Variants in PDSS2 observed in about 807,000 individuals in gnomAD.
PDSS2 encodes decaprenyl diphosphate synthase subunit 2.
In PDSS2, 31 loss-of-function variants were observed where a neutral mutation model predicts 44.5. The observed-to-expected ratio is 0.70, with a 90% CI of 0.52 to 0.94. PDSS2 has a LOEUF of 0.94. PDSS2 is among the 40% of genes least tolerant of loss of function. The pLI is 0.00. For missense variants in PDSS2, 452 were observed against 482.2 expected (o/e 0.94, Z 0.59); for synonymous variants, 157 against 180.3 (o/e 0.87, Z 1.03).
At chr6:107,256,863 GAAAT>G (rs899335934) in intron 3 of PDSS2, among the ~76,000 whole-genome samples, 1 of 150,828 alleles carries the variant, frequency 6.6e-6, no homozygotes, top group African/African-American at 2.4e-5. Flanking sequence ...TCCTGTCCCA[GAAAT>G]AAATAAATTA....
intron 1 of PDSS2, among the ~76,000 whole-genome samples, chr6:107,387,746 G>C (rs531484994): frequency 6.6e-6 from 1 of 152,340 alleles, no homozygotes; most frequent in South Asian, 2.1e-4. Context: ...GGCTTCAACT[G>C]TGAGCCTGGT....
At chr6:107,336,474 A>G (rs1020790075) in intron 1 of PDSS2, among the ~76,000 whole-genome samples, 1 of 152,136 alleles carries the variant, frequency 6.6e-6, no homozygotes, top group African/African-American at 2.4e-5. Flanking sequence ...TTTTAAAAAG[A>G]AATTCTAATT....
chr6:107,396,323 C>CGTA (rs1779938449), intron 1 of PDSS2, among the ~76,000 whole-genome samples: 1 of 152,174 alleles, frequency 6.6e-6, no homozygotes, highest in Non-Finnish European at 1.5e-5. Context: ...TCAGCAATAC[C>CGTA]ACAGGCGCTG....
At chr6:107,310,902 T>C (rs560677534) in intron 2 of PDSS2, among the ~76,000 whole-genome samples, 3 of 151,690 alleles carry the variant, frequency 2.0e-5, no homozygotes, top group African/African-American at 7.3e-5. Flanking sequence ...AATTCAAGTA[T>C]ATTTAGCAAA....
chr6:107,381,179 GT>G (rs1296868460), intron 1 of PDSS2, among the ~76,000 whole-genome samples: 1 of 152,202 alleles, frequency 6.6e-6, no homozygotes, highest in Non-Finnish European at 1.5e-5. Flanking sequence ...ATAAATATTT[GT>G]GTTAGATGAA....
chr6:107,188,331 G>C (rs970877384), intron 7 of PDSS2, among the ~76,000 whole-genome samples: 1 of 151,658 alleles, frequency 6.6e-6, no homozygotes, highest in East Asian at 1.9e-4. Flanking sequence ...GTGAGCTAAG[G>C]TTGTGCCACT....
chr6:107,384,760 A>ACACACT (rs762973079), intron 1 of PDSS2, among the ~76,000 whole-genome samples: 7 of 152,204 alleles, frequency 4.6e-5, no homozygotes, highest in Admixed American at 6.5e-5. Context: ...ATTAACACAC[A>ACACACT]CACACTCACA....
intron 1 of PDSS2, among the ~76,000 whole-genome samples, chr6:107,358,040 G>A (rs369923863): frequency 8.6e-5 from 13 of 152,038 alleles, no homozygotes; most frequent in Admixed American, 3.3e-4. Context: ...AAAATGTTTC[G>A]CAATCCAAAA....
intron 1 of PDSS2, among the ~76,000 whole-genome samples, chr6:107,348,740 G>A (rs1778330824): frequency 6.6e-6 from 1 of 152,180 alleles, no homozygotes; most frequent in East Asian, 1.9e-4. Flanking sequence ...TCTAAATACT[G>A]CTAATGGATA....
intron 2 of PDSS2, among the ~76,000 whole-genome samples, chr6:107,319,388 C>T (rs1258012278): frequency 1.3e-5 from 2 of 152,148 alleles, no homozygotes; most frequent in Admixed American, 6.5e-5. Flanking sequence ...TACCTAAAAA[C>T]CAGCTTTTGC....
chr6:107,362,715 A>G (rs558444402), intron 1 of PDSS2, among the ~76,000 whole-genome samples: 1 of 152,366 alleles, frequency 6.6e-6, no homozygotes, highest in Admixed American at 6.5e-5. Flanking sequence ...TCTTTAAGAT[A>G]TTATAAGCAA....
Position 107,429,899 on chromosome 6 carries a change from AAAATATATAT to A in PDSS2, c.296+29081_296+29090del, listed in dbSNP as rs1248986382. On this transcript the variant is annotated intron_variant, in intron 1 of 7. Coordinates refer to ENST00000369037, the MANE Select transcript of PDSS2 (RefSeq NM_020381.4). ...AACTTAGTCTCAAAAAAAAAAAAAA[AAAATATATAT>A]ATATATATATATATATATATATATA... is the stretch of plus-strand genomic sequence containing the variant. Among the ~76,000 whole-genome samples, 59 of 41,418 alleles carry A rather than the reference AAAATATATAT, an allele frequency of 1.4e-3. 5 individuals carry two copies. The highest frequency in any genetic ancestry group is 3.8e-3 in the African/African-American group (50 of 13,298). The allele number at this position is 41,418 out of a possible 152,430, so 27.2% of individuals were successfully genotyped here. A position where few individuals can be genotyped will look rare whatever the true frequency, so the allele number is the denominator to read the frequency against.
In PDSS2 at chr6:107,170,981, G is replaced by A. The variant is rs930285747; in HGVS notation, c.1042-16204C>T. ...AACAATCAAATTAAAACCAACAAGCGTTTATTGGACACCTATATAACCTAG... is the reference window on the plus strand; with the variant it reads ...AACAATCAAATTAAAACCAACAAGCATTTATTGGACACCTATATAACCTAG... On this transcript the variant is annotated intron_variant, in intron 7 of 7. Transcript: ENST00000369037. 1.4e-4 allele frequency among the ~76,000 whole-genome samples: 22 copies of A among 152,090 alleles called. No individual in the cohort carries two copies. The East Asian group carries it at 2.1e-3, about 15-fold the overall frequency.
At chr6:107,257,183 A>G (rs2114860706) in intron 3 of PDSS2, among the ~76,000 whole-genome samples, 1 of 152,046 alleles carries the variant, frequency 6.6e-6, no homozygotes, top group East Asian at 1.9e-4. Flanking sequence ...CTGTCTCACA[A>G]ATAAAATAAA....
At chr6:107,392,997 A>T (rs939545341) in intron 1 of PDSS2, among the ~76,000 whole-genome samples, 1 of 152,044 alleles carries the variant, frequency 6.6e-6, no homozygotes, top group South Asian at 2.1e-4. Flanking sequence ...CTGATTTTTT[A>T]AAAAACAGTA....
intron 1 of PDSS2, among the ~76,000 whole-genome samples, chr6:107,389,996 A>C (rs1213511598): frequency 6.6e-6 from 1 of 152,096 alleles, no homozygotes; most frequent in Non-Finnish European, 1.5e-5. Context: ...AAGCTGGAAC[A>C]ATTTGAGCAA....
intron 2 of PDSS2, among the ~76,000 whole-genome samples, chr6:107,300,066 G>A (rs917352284): frequency 1.3e-5 from 2 of 151,950 alleles, no homozygotes; most frequent in Non-Finnish European, 2.9e-5. Context: ...ATGAAGTCTC[G>A]GCCCAAAACC....
rs575254175 is a variant in PDSS2, at chr6:107,258,693, C to G, written c.631-13074G>C. On this transcript the variant is annotated intron_variant, in intron 3 of 7. Transcript: ENST00000369037. ...TGGTGGGTGCCTATAATCCCAGCTA[C>G]TTGGGAGGCTGAGGCAGGAGAATCA... Among the ~76,000 whole-genome samples the G allele has an allele frequency of 1.6e-4, 25 of 152,144 alleles. 1 individual carries two copies. The South Asian group carries it at 2.7e-3, about 16-fold the overall frequency.
At chr6:107,183,161 A>G (rs1772043093) in intron 7 of PDSS2, among the ~76,000 whole-genome samples, 2 of 151,668 alleles carry the variant, frequency 1.3e-5, no homozygotes, top group Non-Finnish European at 2.9e-5. Flanking sequence ...GCAGTGAGCC[A>G]TAATCATGCC....
Sources: allele counts gnomAD v4.1 joint callset (sites outside exome capture counted in the v4.1 genomes callset), GRCh38; gene constraint gnomAD v4.1.1; transcripts MANE v1.5; gene names NCBI Gene and HGNC (gene_info 2026-07-23, HGNC 2026-07-21).